XKR4: variants seen among roughly 807,000 people sequenced by gnomAD.
XKR4 encodes the protein XK related 4.
XKR4 carries 12 observed loss-of-function variants against 53.9 expected under a neutral mutation model. The observed-to-expected ratio is 0.22, with a 90% CI of 0.14 to 0.36. The LOEUF (loss-of-function observed/expected upper bound fraction) is 0.36. XKR4 is among the 10% of genes least tolerant of loss of function. The pLI, the probability that XKR4 is intolerant of heterozygous loss-of-function variation, is 1.00. For missense variants in XKR4, 799 were observed against 859.5 expected (o/e 0.93, Z 0.88); for synonymous variants, 354 against 362.4 (o/e 0.98, Z 0.26).
chr8:55,102,715 G>T lies in XKR4; in HGVS notation c.227G>T (p.Gly76Val). ...TGCGCCGGGAGTGGCGGCTCCGCGGGCTCGGGCGGCTCCGGCGGCGTCGCC... is the reference window on the plus strand; with the variant it reads ...TGCGCCGGGAGTGGCGGCTCCGCGGTCTCGGGCGGCTCCGGCGGCGTCGCC... ...CCCAGSGGSA[G>V]SGGSGGVAGP... The change falls in exon 1 of 3, where the codon GGC (glycine) becomes GTC (valine). Residue 76 changes from glycine (G) to valine (V), a missense_variant. Physicochemically the swap from Gly to Val is moderately radical, Grantham distance 109. This residue lies in a region of XKR4 where 476 missense variants were observed against 505.4 expected (regional missense o/e 0.94). Coordinates refer to ENST00000327381, the MANE Select transcript of XKR4 (RefSeq NM_052898.2). This position sits in a 1 kb window ranked among gnomAD's most constrained non-coding sequence, Gnocchi z 5.1. 2 of 1,151,178 alleles carry T rather than the reference G, an allele frequency of 1.7e-6. No individual in the cohort carries two copies. The highest frequency in any genetic ancestry group is 4.2e-5 in the South Asian group (1 of 23,666). 71.3% of individuals were successfully genotyped at this position (1,151,178 alleles called of 1,614,324 possible).
chr8:55,323,822 C>G (rs1803252456), intron 1 of XKR4, among the ~76,000 whole-genome samples: 3 of 152,186 alleles, frequency 2.0e-5, no homozygotes, highest in Non-Finnish European at 4.4e-5. Flanking sequence ...CACATTGGAT[C>G]ATTTCTATTG....
chr8:55,447,015 C>T lies in XKR4; in HGVS notation c.1007-76266C>T, dbSNP rs140551129. Among the ~76,000 whole-genome samples, 266 of 150,570 alleles carry T rather than the reference C, an allele frequency of 1.8e-3. 2 individuals are homozygous for T. Among genetic ancestry groups the T allele is most frequent in the African/African-American group, 6.2e-3 (253 of 41,036 alleles). On this transcript the variant is annotated intron_variant, in intron 2 of 2. Transcript: ENST00000327381. ...AAGTAACTTAGTCCTATCTTTCACC[C>T]GATTTTTGTTTGAAATGATGGTATA... is the stretch of plus-strand genomic sequence containing the variant.
intron 1 of XKR4, among the ~76,000 whole-genome samples, chr8:55,337,287 T>C (rs143017961): frequency 4.6e-5 from 7 of 152,330 alleles, no homozygotes; most frequent in African/African-American, 1.7e-4. Flanking sequence ...AGCTGGACCC[T>C]TGAAGAGAGT....
intron 2 of XKR4, among the ~76,000 whole-genome samples, chr8:55,480,189 A>G (rs1806077142): frequency 6.6e-6 from 1 of 152,232 alleles, no homozygotes; most frequent in Non-Finnish European, 1.5e-5. Context: ...AGCACATCAA[A>G]AAGCTTATCC....
chr8:55,445,682 C>G lies in XKR4; in HGVS notation c.1007-77599C>G, dbSNP rs543115067. Among the ~76,000 whole-genome samples, 200 of 152,138 alleles carry G rather than the reference C, an allele frequency of 1.3e-3. 2 individuals carry two copies. Among genetic ancestry groups the G allele is most frequent in the Non-Finnish European group, 1.3e-3 (86 of 68,018 alleles). Reference sequence around the variant, plus strand: ...GGAGATTAGGGTGGGATCCTTCCCACTCAGCCTGCTGATTGGGCACTATTG... The same window carrying G: ...GGAGATTAGGGTGGGATCCTTCCCAGTCAGCCTGCTGATTGGGCACTATTG... On this transcript the variant is annotated intron_variant, in intron 2 of 2. Transcript: ENST00000327381.
chr8:55,317,961 G>A lies in XKR4; in HGVS notation c.807-39717G>A, dbSNP rs73606969. 4.8e-3 allele frequency among the ~76,000 whole-genome samples: 726 copies of A among 152,286 alleles called. 6 individuals carry two copies. Among genetic ancestry groups the A allele is most frequent in the African/African-American group, 0.016 (660 of 41,556 alleles). The stretch of plus-strand genomic sequence containing the variant: ...AAACCACTAAGAAAACAGATAGGAA[G>A]CCAGGTCATGAAATGGTAGTACCAC... On this transcript the variant is annotated intron_variant, in intron 1 of 2. Coordinates refer to ENST00000327381, the MANE Select transcript of XKR4 (RefSeq NM_052898.2).
intron 1 of XKR4, among the ~76,000 whole-genome samples, chr8:55,118,085 T>G (rs1816334763): frequency 6.6e-6 from 1 of 152,216 alleles, no homozygotes; most frequent in African/African-American, 2.4e-5. Context: ...GCGTGTGGAC[T>G]GATATTCACA....
At chr8:55,217,037 T>C (rs1019399133) in intron 1 of XKR4, among the ~76,000 whole-genome samples, 2 of 151,534 alleles carry the variant, frequency 1.3e-5, no homozygotes, top group South Asian at 2.1e-4. Flanking sequence ...GGTCAGGAGA[T>C]CGAGACCATC....
intron 2 of XKR4, among the ~76,000 whole-genome samples, chr8:55,394,016 G>A (rs1804482569): frequency 6.6e-6 from 1 of 152,154 alleles, no homozygotes; most frequent in Non-Finnish European, 1.5e-5. Context: ...CTGACCATGA[G>A]AAGTTTAACT....
intron 1 of XKR4, among the ~76,000 whole-genome samples, chr8:55,341,178 A>C (rs1803540216): frequency 6.6e-6 from 1 of 152,178 alleles, no homozygotes; most frequent in African/African-American, 2.4e-5. Context: ...AGAATAGGGA[A>C]GGGGAACACA....
At chr8:55,121,704 T>G (rs975573983) in intron 1 of XKR4, among the ~76,000 whole-genome samples, 7 of 152,190 alleles carry the variant, frequency 4.6e-5, no homozygotes, top group Non-Finnish European at 7.4e-5. Context: ...AAACTTGTCT[T>G]TGTACCTTGG....
At chr8:55,458,480 G>A (rs1446985494) in intron 2 of XKR4, among the ~76,000 whole-genome samples, 2 of 152,220 alleles carry the variant, frequency 1.3e-5, no homozygotes, top group African/African-American at 4.8e-5. Flanking sequence ...GTATTAGACA[G>A]CTCAGTGGAG....
rs1228500000 is a variant in XKR4 at position 55,200,347 on chromosome 8, C to CGTGA, written c.806+97055_806+97058dup. ...CCTCCCAAAGTGCTGGGATTACAGG[C>CGTGA]GTGAGCCACTGCGCCCGGCCAGTCT... On this transcript the variant is annotated intron_variant, in intron 1 of 2. Transcript: ENST00000327381. Among the ~76,000 whole-genome samples, 9 of 152,328 alleles carry CGTGA rather than the reference C, an allele frequency of 5.9e-5. No homozygotes were observed. The East Asian group carries it at 1.7e-3, about 29-fold the overall frequency.
intron 2 of XKR4, among the ~76,000 whole-genome samples, chr8:55,431,992 G>T (rs1364839213): frequency 6.6e-6 from 1 of 152,054 alleles, no homozygotes; most frequent in Non-Finnish European, 1.5e-5. Flanking sequence ...TTTCTTCATG[G>T]ACTGGAAAAG....
intron 1 of XKR4, among the ~76,000 whole-genome samples, chr8:55,221,673 A>G (rs1248476113): frequency 1.3e-5 from 2 of 151,840 alleles, no homozygotes; most frequent in Non-Finnish European, 2.9e-5. Flanking sequence ...CTCTTCAGCA[A>G]CCTCCCCAGT....
intron 1 of XKR4, among the ~76,000 whole-genome samples, chr8:55,257,325 G>GAAAATTT (rs1389846393): frequency 6.6e-6 from 1 of 151,922 alleles, no homozygotes; most frequent in Non-Finnish European, 1.5e-5. Flanking sequence ...ATCCACAGTT[G>GAAAATTT]AAAATTTAAA....
chr8:55,228,541 A>C (rs1271013009), intron 1 of XKR4, among the ~76,000 whole-genome samples: 2 of 152,200 alleles, frequency 1.3e-5, no homozygotes, highest in Non-Finnish European at 2.9e-5. Context: ...TGAAATATAA[A>C]TGGAATAATT....
chr8:55,474,230 A>G (rs181881747), intron 2 of XKR4, among the ~76,000 whole-genome samples: 31 of 152,210 alleles, frequency 2.0e-4, no homozygotes, highest in Admixed American at 5.9e-4. Context: ...TTATCAACAG[A>G]AGCACACTTA....
In XKR4 at chr8:55,393,489, CA is replaced by C. The variant is rs1394081466; in HGVS notation, c.1006+35617del. ...AAGGAAATAAGTGAAACAATTGTGGCAAAAATATTCATAATAGTTGAAGCTA... is the reference window on the plus strand; with the variant it reads ...AAGGAAATAAGTGAAACAATTGTGGCAAAATATTCATAATAGTTGAAGCTA... On this transcript the variant is annotated intron_variant, in intron 2 of 2. Coordinates refer to ENST00000327381, the MANE Select transcript of XKR4 (RefSeq NM_052898.2). Among the ~76,000 whole-genome samples the C allele has an allele frequency of 4.0e-5, 6 of 151,838 alleles. No homozygotes were observed. In the East Asian group the frequency reaches 1.2e-3, roughly 29 times the overall value.
Sources: gnomAD v4.1 joint callset for allele counts (sites outside exome capture counted in the v4.1 genomes callset) on GRCh38, gnomAD v4.1.1 for gene constraint, gnomAD v4.1.1 regional missense constraint, Gnocchi (gnomAD v3.1) non-coding constraint, MANE v1.5 for transcripts, NCBI Gene and HGNC (gene_info 2026-07-23, HGNC 2026-07-21) for gene names.